STK26: variants seen among roughly 807,000 people sequenced by gnomAD.
The protein encoded by STK26 is serine/threonine-protein kinase 26.
STK26 carries 14 observed loss-of-function variants against 34.7 expected under a neutral mutation model. That is an observed-to-expected ratio of 0.40 (90% confidence interval 0.27 to 0.63). STK26 has a LOEUF of 0.63. Ranked by LOEUF, STK26 falls within the 30% of genes least tolerant of loss-of-function variation. The probability of loss-of-function intolerance (pLI) is 0.38; values close to 1 mark genes in which losing one functional copy is unlikely to be tolerated. For missense variants in STK26, 226 were observed against 309.1 expected (o/e 0.73, Z 2.02); for synonymous variants, 100 against 109.8 (o/e 0.91, Z 0.56).
At chrX:132,032,065 A>T (rs2124129898) in intron 2 of STK26, among the ~76,000 whole-genome samples, 2 of 111,001 alleles carry the variant, frequency 1.8e-5, no homozygotes, top group African/African-American at 3.3e-5. Context: ...ACCACCCCTC[A>T]CTAGCTTATA....
chrX:132,072,293 A>G lies in STK26; in HGVS notation c.958A>G (p.Thr320Ala), dbSNP rs1335757601. 1.7e-6 allele frequency: 2 copies of G among 1,206,773 alleles called. No individual in the cohort carries two copies. The highest frequency in any genetic ancestry group is 1.1e-6 in the Non-Finnish European group (1 of 892,871). ...DSESTSRENN[T>A]HPEWSFTTVR... Reference sequence around the variant, plus strand: ...GGAATCTACCAGCAGGGAAAACAATACTCATCCTGAATGGAGCTTTACCAC... The same window carrying G: ...GGAATCTACCAGCAGGGAAAACAATGCTCATCCTGAATGGAGCTTTACCAC... Residue 320 changes from threonine to alanine, a missense_variant, in exon 9 of 12, where the codon ACT (threonine) becomes GCT (alanine). Transcript: ENST00000394334.
rs1000316074 is a variant in STK26, at chrX:132,023,307, T to G, written c.-211T>G. The G allele has an allele frequency of 1.6e-5, 7 of 446,463 alleles. No individual in the cohort carries two copies. In the African/African-American group the frequency reaches 1.7e-4, roughly 11 times the overall value. 36.8% of individuals were successfully genotyped at this position (446,463 alleles called of 1,213,427 possible). On this transcript the variant is annotated 5_prime_UTR_variant, in exon 1 of 12. Coordinates refer to ENST00000394334, the MANE Select transcript of STK26 (RefSeq NM_016542.4). ...GCGAGGCGCAGAGGAGCGGCATCAC[T>G]CGAGCCCAGGTCCCAGCCACCACCA...
chrX:132,041,399 G>T (rs2124147416), intron 2 of STK26, among the ~76,000 whole-genome samples: 1 of 112,122 alleles, frequency 8.9e-6, no homozygotes, highest in East Asian at 2.8e-4. Flanking sequence ...GGGGTAGGCA[G>T]TGAGGATTTG....
chrX:132,029,882 A>G (rs1273709308), intron 2 of STK26, among the ~76,000 whole-genome samples: 1 of 111,533 alleles, frequency 9.0e-6, no homozygotes, highest in East Asian at 2.8e-4. Flanking sequence ...TTCTCTAATT[A>G]TATATGTTAT....
intron 2 of STK26, among the ~76,000 whole-genome samples, chrX:132,028,942 G>A (rs1051735906): frequency 8.9e-6 from 1 of 112,386 alleles, no homozygotes; most frequent in African/African-American, 3.2e-5. Context: ...TGGTGAACCC[G>A]AATTATTGTC....
intron 2 of STK26, among the ~76,000 whole-genome samples, chrX:132,030,785 A>T (rs1487886850): frequency 2.7e-5 from 3 of 111,443 alleles, no homozygotes; most frequent in Non-Finnish European, 5.6e-5. Flanking sequence ...AATTTCCACC[A>T]CAGGTACATG....
At chrX:132,054,011 C>A (rs1926773628) in intron 2 of STK26, among the ~76,000 whole-genome samples, 1 of 111,650 alleles carries the variant, frequency 9.0e-6, no homozygotes, top group African/African-American at 3.3e-5. Context: ...AATGTGTTAC[C>A]ATTTTCTCAT....
chrX:132,035,241 A>ACTC (rs1926000505), intron 2 of STK26, among the ~76,000 whole-genome samples: 1 of 110,864 alleles, frequency 9.0e-6, no homozygotes, highest in Non-Finnish European at 1.9e-5. Flanking sequence ...AAGAAGCTGA[A>ACTC]CTCAATTTTG....
chrX:132,023,395 G>T lies in STK26; in HGVS notation c.-123G>T, dbSNP rs777568359. ...GGAGGCGGCTGCTTCAGCGGCGGGCGGGCGCCAGAAAGGTAGACTGAGTCC... is the reference window on the plus strand; with the variant it reads ...GGAGGCGGCTGCTTCAGCGGCGGGCTGGCGCCAGAAAGGTAGACTGAGTCC... On this transcript the variant is annotated 5_prime_UTR_variant, in exon 1 of 12. Coordinates refer to ENST00000394334, the MANE Select transcript of STK26 (RefSeq NM_016542.4). 4 of 538,291 alleles carry T rather than the reference G, an allele frequency of 7.4e-6. No individual in the cohort carries two copies. In the South Asian group the frequency reaches 9.4e-5, roughly 13 times the overall value. The allele number at this position is 538,291 out of a possible 1,213,427, so 44.4% of individuals were successfully genotyped here.
chrX:132,073,932 A>G (rs779387939), intron 11 of STK26, among the ~76,000 whole-genome samples: 3 of 111,678 alleles, frequency 2.7e-5, no homozygotes, highest in Non-Finnish European at 5.7e-5. Context: ...CCCCCATTTG[A>G]AAACAAATCA....
chrX:132,037,748 A>T (rs1363912603), intron 2 of STK26, among the ~76,000 whole-genome samples: 1 of 95,768 alleles, frequency 1.0e-5, no homozygotes, highest in Admixed American at 1.1e-4. Context: ...TGACAAACAA[A>T]GTCTTGTAAC....
intron 2 of STK26, among the ~76,000 whole-genome samples, chrX:132,032,423 T>A (rs1925876052): frequency 8.9e-6 from 1 of 112,092 alleles, no homozygotes. Context: ...AAATGTGCCA[T>A]TGAAGAAATC....
rs368300222 is a variant in STK26 at position 132,074,172 on chromosome X, T to C, written c.*13T>C. 16 of 1,202,061 alleles carry C rather than the reference T, an allele frequency of 1.3e-5. No individual in the cohort carries two copies. Among genetic ancestry groups the C allele is most frequent in the African/African-American group, 8.8e-5 (5 of 56,801 alleles). ...CGAATCCCCCTAAGAAACTTATTAT[T>C]GGCTTCTGTTTCATATGGACCCAGA... On this transcript the variant is annotated 3_prime_UTR_variant, in exon 12 of 12. Transcript: ENST00000394334.
intron 3 of STK26, chrX:132,055,517 A>T (rs1479690633): frequency 4.3e-6 from 5 of 1,149,792 alleles, no homozygotes; most frequent in Non-Finnish European, 5.8e-6. Context: ...CATAGCAGAA[A>T]ACTGGTTGGT....
intron 3 of STK26, among the ~76,000 whole-genome samples, chrX:132,061,610 G>A (rs992611996): frequency 4.5e-5 from 5 of 111,723 alleles, no homozygotes; most frequent in Non-Finnish European, 9.4e-5. Flanking sequence ...TCTACATAGT[G>A]TCAGCATATG....
At chrX:132,057,424 T>C (rs933562527) in intron 3 of STK26, among the ~76,000 whole-genome samples, 13 of 111,580 alleles carry the variant, frequency 1.2e-4, no homozygotes, top group Admixed American at 8.5e-4. Context: ...TCAGGTATGC[T>C]GATCTCCTCA....
intron 2 of STK26, among the ~76,000 whole-genome samples, chrX:132,037,769 C>CTTTTTTTTTTTTTTT (rs755403402): frequency 1.2e-4 from 6 of 51,858 alleles, no homozygotes; most frequent in African/African-American, 4.4e-4. Flanking sequence ...CGGAGAGCTG[C>CTTTTTTTTTTTTTTT]TTTTTTTTTT....
intron 11 of STK26, 115 bp downstream of exon 11, chrX:132,073,208 T>G: frequency 1.3e-6 from 1 of 784,185 alleles, no homozygotes; most frequent in South Asian, 2.8e-5. Context: ...CAAAGTCACC[T>G]TTCAATACAT....
chrX:132,063,320 A>T, intron 3 of STK26, 113 bp from the exon 4 acceptor site: 1 of 661,073 alleles, frequency 1.5e-6, no homozygotes, highest in Non-Finnish European at 2.3e-6. Context: ...TCCCACAAAT[A>T]AATGAGAACA....
Sources: gnomAD v4.1 joint callset for allele counts (sites outside exome capture counted in the v4.1 genomes callset) on GRCh38, gnomAD v4.1.1 for gene constraint, MANE v1.5 for transcripts, NCBI Gene and HGNC (gene_info 2026-07-23, HGNC 2026-07-21) for gene names.